The following PKIB variants were observed in gnomAD, a reference collection of about 807,000 sequenced individuals.
PKIB encodes PKI-beta.
A neutral mutation model predicts 4.5 loss-of-function variants in PKIB; 2 were observed. That is an observed-to-expected ratio of 0.44 (90% CI 0.18 to 1.39). The LOEUF (loss-of-function observed/expected upper bound fraction) is 1.39. Ranked by LOEUF, PKIB falls within the 40% of genes most tolerant of loss-of-function variation. The probability of loss-of-function intolerance (pLI) is 0.27; values close to 1 mark genes in which losing one functional copy is unlikely to be tolerated. For missense variants in PKIB, 94 were observed against 92.6 expected, an observed-to-expected ratio of 1.02 and a Z score of -0.06; for synonymous variants, 38 against 36.0, an observed-to-expected ratio of 1.06 and a Z score of -0.20.
At chr6:122,682,266 G>A (rs182171045) in intron 3 of PKIB, among the ~76,000 whole-genome samples, 71 of 152,128 alleles carry the variant, frequency 4.7e-4, no homozygotes, top group African/African-American at 1.6e-3. Context: ...TTTGTCAGGC[G>A]GCTGGCCAGT....
intron 2 of PKIB, among the ~76,000 whole-genome samples, chr6:122,540,853 A>G (rs1474420170): frequency 6.6e-6 from 1 of 150,376 alleles, no homozygotes; most frequent in African/African-American, 2.4e-5. Context: ...TGCTTTATGA[A>G]TCTGGGTGCT....
At position 122,726,266 on chromosome 6, in the gene PKIB, T is replaced by C. The variant is rs1779946832; in HGVS notation, c.*1071T>C. ...TGTCAGTAATTAATTTATTTTCATT[T>C]TCAGAAATATATGCATGCAGTTATG... On this transcript the variant is annotated 3_prime_UTR_variant, in exon 5 of 5. Coordinates refer to ENST00000368452, the MANE Select transcript of PKIB (RefSeq NM_181795.3). 1 of 152,158 alleles carries C rather than the reference T, an allele frequency of 6.6e-6. No individual in the cohort carries two copies. Among genetic ancestry groups the C allele is most frequent in the Non-Finnish European group, 1.5e-5 (1 of 68,004 alleles). The allele number at this position is 152,158 out of a possible 1,614,324, so 9.4% of individuals were successfully genotyped here.
intron 3 of PKIB, among the ~76,000 whole-genome samples, chr6:122,714,245 G>A (rs1340448182): frequency 6.6e-6 from 1 of 152,148 alleles, no homozygotes; most frequent in Non-Finnish European, 1.5e-5. Flanking sequence ...GTCTGCCTCT[G>A]GTGAAGCATG....
intron 3 of PKIB, among the ~76,000 whole-genome samples, chr6:122,683,877 A>G (rs1777996561): frequency 1.3e-5 from 2 of 152,214 alleles, no homozygotes; most frequent in South Asian, 4.1e-4. Context: ...ATTTATTCCA[A>G]AGAATTTAAA....
intron 2 of PKIB, chr6:122,483,882 C>G (rs916951825): frequency 1.3e-5 from 2 of 152,168 alleles, no homozygotes; most frequent in African/African-American, 4.8e-5. Flanking sequence ...GAACAGAGAG[C>G]TTTTCTTGTA....
intron 2 of PKIB, among the ~76,000 whole-genome samples, chr6:122,507,008 T>C (rs1054744404): frequency 5.3e-5 from 8 of 152,094 alleles, no homozygotes; most frequent in Non-Finnish European, 1.0e-4. Context: ...GCCGTAATTT[T>C]TTAAAATTAA....
chr6:122,570,636 A>C (rs1773334236), intron 2 of PKIB, among the ~76,000 whole-genome samples: 1 of 152,222 alleles, frequency 6.6e-6, no homozygotes, highest in Non-Finnish European at 1.5e-5. Context: ...TAACTAAGGA[A>C]GTCATACAGA....
Position 122,502,857 on chromosome 6 carries a change from C to T in PKIB, c.-248+24918C>T, listed in dbSNP as rs1344636345. Among the ~76,000 whole-genome samples the T allele has an allele frequency of 2.0e-5, 3 of 151,900 alleles. No homozygotes were observed. In the East Asian group the frequency reaches 5.8e-4, roughly 29 times the overall value. On this transcript the variant is annotated intron_variant, in intron 2 of 6. Transcript: ENST00000392491. ...TTTTTCATTGCTAATTACATATTTTCCTTGAAAGAGTCAGTCAAGAGTAGT... is the reference window on the plus strand; with the variant it reads ...TTTTTCATTGCTAATTACATATTTTTCTTGAAAGAGTCAGTCAAGAGTAGT...
intron 2 of PKIB, chr6:122,480,940 AACTT>A (rs1319641139): frequency 6.6e-6 from 1 of 152,206 alleles, no homozygotes; most frequent in Non-Finnish European, 1.5e-5. Flanking sequence ...CTTTTTAAAA[AACTT>A]AATGTAGAAA....
At chr6:122,689,797 A>T (rs1778247151) in intron 3 of PKIB, among the ~76,000 whole-genome samples, 1 of 152,094 alleles carries the variant, frequency 6.6e-6, no homozygotes, top group African/African-American at 2.4e-5. Flanking sequence ...ATTAAGTCCA[A>T]TGTTTCTTTG....
intron 2 of PKIB, among the ~76,000 whole-genome samples, chr6:122,511,597 A>T (rs1776587845): frequency 6.6e-6 from 1 of 152,186 alleles, no homozygotes; most frequent in South Asian, 2.1e-4. Context: ...TGACAAAGGA[A>T]TGAGAAGAGA....
chr6:122,683,154 G>A (rs934625229), intron 3 of PKIB, among the ~76,000 whole-genome samples: 4 of 152,148 alleles, frequency 2.6e-5, no homozygotes, highest in Non-Finnish European at 5.9e-5. Context: ...GGAATTCAGA[G>A]CCTGTATTGG....
chr6:122,658,448 T>C (rs1463419494), intron 2 of PKIB, among the ~76,000 whole-genome samples: 1 of 152,202 alleles, frequency 6.6e-6, no homozygotes, highest in Non-Finnish European at 1.5e-5. Flanking sequence ...AGATTATAAT[T>C]TAAATACTGT....
chr6:122,715,097 AT>A (rs1779428828), intron 3 of PKIB, among the ~76,000 whole-genome samples: 1 of 151,850 alleles, frequency 6.6e-6, no homozygotes, highest in South Asian at 2.1e-4. Flanking sequence ...AAAAAAAAAT[AT>A]TTAAAAAAAA....
intron 1 of PKIB, 32 bp from the exon 2 acceptor site, chr6:122,633,251 A>G (rs1170019428): frequency 6.6e-6 from 1 of 152,198 alleles, no homozygotes; most frequent in Non-Finnish European, 1.5e-5. Context: ...TGTTTATCTT[A>G]ATAAATCTGT....
At chr6:122,624,145 A>C (rs932933090) in intron 1 of PKIB, among the ~76,000 whole-genome samples, 3 of 152,248 alleles carry the variant, frequency 2.0e-5, no homozygotes, top group Non-Finnish European at 2.9e-5. Flanking sequence ...GTTCTCAAAC[A>C]TGACAATATA....
chr6:122,502,759 A>G (rs1196943424), intron 2 of PKIB, among the ~76,000 whole-genome samples: 1 of 152,182 alleles, frequency 6.6e-6, no homozygotes, highest in Non-Finnish European at 1.5e-5. Flanking sequence ...AGTAAATTCT[A>G]GATATTTTGG....
At chr6:122,489,243 A>C (rs28548483) in intron 2 of PKIB, among the ~76,000 whole-genome samples, 5 of 86,980 alleles carry the variant, frequency 5.7e-5, no homozygotes, top group East Asian at 6.0e-4. Flanking sequence ...TATTATTATT[A>C]TTATTGTTAT....
chr6:122,580,115 TA>T (rs1773661756), intron 2 of PKIB, among the ~76,000 whole-genome samples: 1 of 152,184 alleles, frequency 6.6e-6, no homozygotes, highest in African/African-American at 2.4e-5. Flanking sequence ...GCTAGTTTGA[TA>T]TATAAAAGCA....
Sources: gnomAD v4.1 joint callset for allele counts (sites outside exome capture counted in the v4.1 genomes callset) on GRCh38, gnomAD v4.1.1 for gene constraint, MANE v1.5 for transcripts, NCBI Gene and HGNC (gene_info 2026-07-23, HGNC 2026-07-21) for gene names.